REV1: variants seen among roughly 807,000 people sequenced by gnomAD.
The protein encoded by REV1 is REV1 DNA directed polymerase.
A neutral mutation model predicts 137.4 loss-of-function variants in REV1; 42 were observed. The ratio of observed to expected loss-of-function variants is 0.31; its 90% CI spans 0.24 to 0.40. The LOEUF is 0.40. Among genes scored for constraint, REV1 ranks in the 10% least tolerant of loss-of-function variants. The probability of loss-of-function intolerance (pLI) is 1.00; values close to 1 mark genes in which losing one functional copy is unlikely to be tolerated. For missense variants in REV1, 1,282 were observed against 1,490.1 expected, an observed-to-expected ratio of 0.86 and a Z score of 2.30; for synonymous variants, 524 against 519.2, an observed-to-expected ratio of 1.01 and a Z score of -0.12.
intron 12 of REV1, among the ~76,000 whole-genome samples, chr2:99,416,491 A>G (rs1045301375): frequency 1.3e-5 from 2 of 152,222 alleles, no homozygotes; most frequent in African/African-American, 4.8e-5. Flanking sequence ...TGAAAACCAC[A>G]TGAACCACTG....
intron 12 of REV1, among the ~76,000 whole-genome samples, chr2:99,416,360 T>A (rs911063873): frequency 1.8e-4 from 27 of 152,190 alleles, no homozygotes; most frequent in Non-Finnish European, 3.4e-4. Flanking sequence ...AAACCCCTTT[T>A]TAAAGGAACA....
chr2:99,426,929 A>G (rs1466929249), intron 9 of REV1, among the ~76,000 whole-genome samples: 7 of 152,212 alleles, frequency 4.6e-5, no homozygotes, highest in African/African-American at 1.7e-4. Flanking sequence ...CACTCCTGTA[A>G]TCCCAGCACT....
intron 1 of REV1, among the ~76,000 whole-genome samples, chr2:99,466,815 A>C (rs1302139321): frequency 1.3e-5 from 2 of 152,198 alleles, no homozygotes; most frequent in African/African-American, 4.8e-5. Context: ...CAGGAGGAGC[A>C]TGAATACCCA....
intron 12 of REV1, among the ~76,000 whole-genome samples, chr2:99,415,925 T>C (rs1218032167): frequency 1.3e-5 from 2 of 152,284 alleles, no homozygotes; most frequent in Non-Finnish European, 2.9e-5. Context: ...GGGTCAATCC[T>C]TTCTTTCATT....
intron 8 of REV1, chr2:99,431,786 G>C (rs890628026): frequency 7.7e-5 from 76 of 985,514 alleles, no homozygotes; most frequent in Non-Finnish European, 8.8e-5. Flanking sequence ...CACGAGCGGA[G>C]TGAGTTGCTT....
chr2:99,410,402 G>GC (rs1271761265), intron 14 of REV1, among the ~76,000 whole-genome samples: 2 of 152,186 alleles, frequency 1.3e-5, no homozygotes, highest in Admixed American at 6.5e-5. Context: ...TTGGTCTGCA[G>GC]CCTTGCCCTT....
chr2:99,404,644 C>T lies in REV1; in HGVS notation c.2845G>A (p.Asp949Asn). 6.2e-7 allele frequency: 1 copy of T among 1,611,812 alleles called. No individual in the cohort carries two copies. The highest frequency in any genetic ancestry group is 2.2e-5 in the East Asian group (1 of 44,850). The part of the protein sequence containing the change: ...DQSVLEALPP[D>N]LREQVEQVCA... Reference sequence around the variant, plus strand: ...ACTTGCTCTACTTGTTCCCGGAGATCAGGTGGAAGTGCTTCTAAAACAGAC... The same window carrying T: ...ACTTGCTCTACTTGTTCCCGGAGATTAGGTGGAAGTGCTTCTAAAACAGAC... Residue 949 changes from aspartate (D) to asparagine (N), a missense_variant, in exon 18 of 23, where the codon GAT becomes AAT. By Grantham distance (23) the Asp-to-Asn change is conservative. Transcript: ENST00000258428.
Position 99,412,852 on chromosome 2 carries a change from C to T in REV1, c.2051G>A (p.Gly684Asp). The part of the protein sequence containing the change: ...MTMAKLQKEF[G>D]PKTGQMLYRF... The stretch of plus-strand genomic sequence containing the variant: ...ATAAAGCATCTGACCTGTTTTGGGA[C>T]CAAATTCTTTTTGGAGTTTTGCCAT... Residue 684 changes from glycine (G) to aspartate (D), a missense_variant, in exon 13 of 23, where the codon GGT becomes GAT. Around this residue, in one of 7 missense-constraint regions of REV1, gnomAD observed 372 missense variants for 482.3 expected, o/e 0.77. Coordinates refer to ENST00000258428, the MANE Select transcript of REV1 (RefSeq NM_016316.4). 1 of 1,614,114 alleles carries T rather than the reference C, an allele frequency of 6.2e-7. No individual in the cohort carries two copies. The highest frequency in any genetic ancestry group is 8.5e-7 in the Non-Finnish European group (1 of 1,179,996).
At chr2:99,486,649 A>C (rs917067171) in intron 1 of REV1, among the ~76,000 whole-genome samples, 2 of 152,248 alleles carry the variant, frequency 1.3e-5, no homozygotes, top group African/African-American at 4.8e-5. Context: ...GAACTGAGGC[A>C]CCACCAAGTT....
intron 18 of REV1, among the ~76,000 whole-genome samples, chr2:99,404,132 T>C (rs540737565): frequency 1.3e-5 from 2 of 152,328 alleles, no homozygotes; most frequent in African/African-American, 4.8e-5. Context: ...CTGTCCCCCA[T>C]GCAGGATTAT....
At position 99,464,843 on chromosome 2, in the gene REV1, A is replaced by C. The variant is rs1362142455; in HGVS notation, c.54+79T>G. 2.9e-6 allele frequency: 4 copies of C among 1,379,760 alleles called. No individual in the cohort carries two copies. The Admixed American group carries it at 6.9e-5, about 24-fold the overall frequency. The allele number at this position is 1,379,760 out of a possible 1,614,324, so 85.5% of individuals were successfully genotyped here. A position where few individuals can be genotyped will look rare whatever the true frequency, so the allele number is the denominator to read the frequency against. ...AAAGTAATTTACAATTTAGAAAACAACTTAAACCACATTATAACAGAAGAA... is the reference window on the plus strand; with the variant it reads ...AAAGTAATTTACAATTTAGAAAACACCTTAAACCACATTATAACAGAAGAA... On this transcript the variant is annotated intron_variant, in intron 2 of 22. Coordinates refer to ENST00000258428, the MANE Select transcript of REV1 (RefSeq NM_016316.4).
At chr2:99,402,404 G>A in intron 21 of REV1, 58 bp from the exon 22 acceptor site, 1 of 881,982 alleles carries the variant, frequency 1.1e-6, no homozygotes, top group South Asian at 1.5e-5. Flanking sequence ...GAAAGTCAGA[G>A]ATCTGCATGG....
intron 3 of REV1, among the ~76,000 whole-genome samples, chr2:99,449,809 A>AT (rs1395979348): frequency 1.3e-5 from 2 of 152,142 alleles, no homozygotes; most frequent in African/African-American, 4.8e-5. Flanking sequence ...ATATTTTTAC[A>AT]TTTTTTACTA....
At chr2:99,439,930 G>T (rs1369966756) in intron 5 of REV1, among the ~76,000 whole-genome samples, 1 of 152,090 alleles carries the variant, frequency 6.6e-6, no homozygotes, top group Non-Finnish European at 1.5e-5. Context: ...TGACTATATT[G>T]ATTAACCTAT....
intron 3 of REV1, among the ~76,000 whole-genome samples, chr2:99,460,211 G>C (rs1344119035): frequency 6.6e-6 from 1 of 152,080 alleles, no homozygotes; most frequent in African/African-American, 2.4e-5. Context: ...CGAGTAGCTG[G>C]GACTACAGGC....
chr2:99,442,308 C>CA lies in REV1; in HGVS notation c.503+8dup. 7.3e-7 allele frequency: 1 copy of CA among 1,373,454 alleles called. No individual in the cohort carries two copies. Among genetic ancestry groups the CA allele is most frequent in the Non-Finnish European group, 9.9e-7 (1 of 1,010,036 alleles). 85.1% of individuals were successfully genotyped at this position (1,373,454 alleles called of 1,614,324 possible). A position where few individuals can be genotyped will look rare whatever the true frequency, so the allele number is the denominator to read the frequency against. On this transcript the variant is annotated intron_variant, in intron 5 of 22. Transcript: ENST00000258428. The stretch of plus-strand genomic sequence containing the variant: ...AGCTTTGCAGTAATCCCCAACTAGA[C>CA]AAACTTACACCCTGTTGTTGAGCTG...
At chr2:99,434,069 A>C (rs1454494564) in intron 8 of REV1, among the ~76,000 whole-genome samples, 1 of 152,228 alleles carries the variant, frequency 6.6e-6, no homozygotes, top group African/African-American at 2.4e-5. Flanking sequence ...AGGCTTCTTT[A>C]AATTCTGCCC....
intron 3 of REV1, among the ~76,000 whole-genome samples, chr2:99,457,064 C>T (rs889856119): frequency 2.0e-5 from 3 of 152,164 alleles, no homozygotes; most frequent in African/African-American, 7.2e-5. Context: ...TATTCACTCC[C>T]ACTCCCAAAG....
At chr2:99,414,981 C>A (rs1677652778) in intron 12 of REV1, among the ~76,000 whole-genome samples, 1 of 152,196 alleles carries the variant, frequency 6.6e-6, no homozygotes, top group Admixed American at 6.5e-5. Flanking sequence ...CGTAATCAAT[C>A]TAATCTAAGT....
Sources: gnomAD v4.1 joint callset for allele counts (sites outside exome capture counted in the v4.1 genomes callset) on GRCh38, gnomAD v4.1.1 for gene constraint, gnomAD v4.1.1 regional missense constraint, MANE v1.5 for transcripts, NCBI Gene and HGNC (gene_info 2026-07-23, HGNC 2026-07-21) for gene names.